The following PTGR1 variants were observed in gnomAD, a reference collection of about 807,000 sequenced individuals.
PTGR1 encodes 15-oxoprostaglandin 13-reductase.
Under a neutral mutation model 37.7 loss-of-function variants are expected in PTGR1, and 23 were observed. That is an observed-to-expected ratio of 0.61 (90% confidence interval 0.44 to 0.86). The LOEUF is 0.86. Ranked by LOEUF, PTGR1 falls within the 40% of genes least tolerant of loss-of-function variation. The pLI is 0.00. For missense variants in PTGR1, 351 were observed against 394.3 expected (o/e 0.89, Z 0.93); for synonymous variants, 134 against 140.0 (o/e 0.96, Z 0.30).
chr9:111,560,966 TATATATATAG>T (rs1564607741), downstream of PTGR1, among the ~76,000 whole-genome samples: 5 of 45,382 alleles, frequency 1.1e-4, 1 homozygote, highest in African/African-American at 1.9e-4. Context: ...TATATATATA[TATATATATAG>T]AGAGAGAGAG....
intron 5 of PTGR1, among the ~76,000 whole-genome samples, chr9:111,585,617 C>T (rs1829405527): frequency 6.6e-6 from 1 of 152,214 alleles, no homozygotes; most frequent in Non-Finnish European, 1.5e-5. Context: ...CCCCTGATAA[C>T]TATCATTCTA....
At chr9:111,582,894 T>C (rs1829324303) in intron 6 of PTGR1, among the ~76,000 whole-genome samples, 1 of 152,244 alleles carries the variant, frequency 6.6e-6, no homozygotes, top group Non-Finnish European at 1.5e-5. Flanking sequence ...CTTCCCACTA[T>C]GTAATAACAA....
intron 6 of PTGR1, among the ~76,000 whole-genome samples, chr9:111,580,391 G>A (rs1314487832): frequency 6.6e-6 from 1 of 152,150 alleles, no homozygotes; most frequent in Non-Finnish European, 1.5e-5. Context: ...CAAAGGAGAA[G>A]CTTTCCTTTG....
intron 9 of PTGR1, among the ~76,000 whole-genome samples, chr9:111,564,597 C>T (rs192833467): frequency 2.6e-4 from 39 of 151,930 alleles, no homozygotes; most frequent in Non-Finnish European, 4.0e-4. Context: ...TGAGCCACTG[C>T]GCCTGGCTGA....
intron 9 of PTGR1, among the ~76,000 whole-genome samples, chr9:111,569,636 A>C (rs1828721570): frequency 6.6e-6 from 1 of 152,122 alleles, no homozygotes; most frequent in Non-Finnish European, 1.5e-5. Flanking sequence ...GTGGTGGTAC[A>C]CACCTGTAGT....
chr9:111,553,195 T>G lies in PTGR1; in HGVS notation c.880-3396A>C, dbSNP rs77518105. The stretch of plus-strand genomic sequence containing the variant: ...ACTATGTATCTTTAACACTTTTGAA[T>G]AGAACAAACAGCTTTTCCATTTTGC... On this transcript the variant is annotated intron_variant, in intron 9 of 9. Transcript: ENST00000538962. 1.1e-3 allele frequency among the ~76,000 whole-genome samples: 170 copies of G among 152,332 alleles called. 3 individuals carry two copies. The East Asian group carries it at 0.024, about 21-fold the overall frequency.
chr9:111,562,452 T>G (rs1490212191), downstream of PTGR1: 1 of 152,048 alleles, frequency 6.6e-6, no homozygotes, highest in African/African-American at 2.4e-5. Context: ...ATTTTTGTAT[T>G]TTCAGTAGAG....
intron 4 of PTGR1, among the ~76,000 whole-genome samples, chr9:111,589,673 A>G (rs1407236827): frequency 6.6e-6 from 1 of 151,922 alleles, no homozygotes; most frequent in Admixed American, 6.6e-5. Context: ...GTCTCACTCT[A>G]TCATCCAAAG....
At chr9:111,592,292 T>C (rs1829644756) in intron 4 of PTGR1, 1 of 152,348 alleles carries the variant, frequency 6.6e-6, no homozygotes, top group South Asian at 2.1e-4. Flanking sequence ...AAAGACTGTG[T>C]TTCTGTTTTA....
rs1483687250 is a variant in PTGR1, at chr9:111,597,330, G to T, written c.93C>A (p.Pro31=). 36 of 1,607,708 alleles carry T rather than the reference G, an allele frequency of 2.2e-5. No homozygotes were observed. The highest frequency in any genetic ancestry group is 3.0e-5 in the Non-Finnish European group (35 of 1,174,956). The change falls in exon 2 of 10, where the codon CCC becomes CCA. Residue 31 remains proline (P), a synonymous_variant. Transcript: ENST00000407693. Reference sequence around the variant, plus strand: ...AGTATGACTTACCTCCATTTTTTAAGGGTGGGAGCTCAGCTGTCTTCAACT... The same window carrying T: ...AGTATGACTTACCTCCATTTTTTAATGGTGGGAGCTCAGCTGTCTTCAACT... ...DFELKTAELP[P]LKNGEVLLEA...
chr9:111,576,235 T>G, intron 7 of PTGR1: 1 of 839,976 alleles, frequency 1.2e-6, no homozygotes, highest in Non-Finnish European at 1.8e-6. Context: ...TAGGAAAAAA[T>G]ATTTGCAAGC....
At chr9:111,573,603 T>C (rs1828928612) in intron 8 of PTGR1, among the ~76,000 whole-genome samples, 1 of 152,180 alleles carries the variant, frequency 6.6e-6, no homozygotes, top group African/African-American at 2.4e-5. Flanking sequence ...CATAGGTAAT[T>C]TGTGATCTCT....
At chr9:111,563,571 T>C (rs2132317187) in intron 9 of PTGR1, 1 of 165,934 alleles carries the variant, frequency 6.0e-6, no homozygotes, top group African/African-American at 2.4e-5. Context: ...AGTGCCGCGA[T>C]CTTGGCTCAC....
chr9:111,552,930 C>T (rs992854131), intron 9 of PTGR1, among the ~76,000 whole-genome samples: 10 of 152,100 alleles, frequency 6.6e-5, no homozygotes, highest in East Asian at 3.9e-4. Context: ...TTTCTAAATA[C>T]GATAAAGTGA....
chr9:111,581,837 GT>G (rs1334150683), intron 6 of PTGR1, among the ~76,000 whole-genome samples: 1 of 151,836 alleles, frequency 6.6e-6, no homozygotes, highest in African/African-American at 2.4e-5. Flanking sequence ...TAACCAAAAA[GT>G]TTTAATGATA....
Position 111,562,910 on chromosome 9 carries a change from T to A in PTGR1, c.*211A>T. 7.5e-7 allele frequency: 1 copy of A among 1,336,382 alleles called. No individual in the cohort carries two copies. The highest frequency in any genetic ancestry group is 9.7e-7 in the Non-Finnish European group (1 of 1,034,394). 82.8% of individuals were successfully genotyped at this position (1,336,382 alleles called of 1,614,324 possible). ...TACCACAACTCAGAAGAAGCTGTAG[T>A]GAACAGTGAGGTGACTGGTTGTTGT... On this transcript the variant is annotated 3_prime_UTR_variant, in exon 10 of 10. Transcript: ENST00000407693.
At chr9:111,579,025 C>T (rs1030343006) in intron 6 of PTGR1, 74 bp from the exon 7 acceptor site, 16 of 1,418,670 alleles carry the variant, frequency 1.1e-5, no homozygotes, top group Middle Eastern at 1.8e-4. Flanking sequence ...TTCCTGGTCT[C>T]GTATGCCTAG....
rs1337770723 is a variant in PTGR1, at chr9:111,562,757, G to A, written c.*364C>T. 7.6e-5 allele frequency: 15 copies of A among 197,438 alleles called. No homozygotes were observed. In the East Asian group the frequency reaches 8.1e-4, roughly 11 times the overall value. 12.2% of individuals were successfully genotyped at this position (197,438 alleles called of 1,614,324 possible). A position where few individuals can be genotyped will look rare whatever the true frequency, so the allele number is the denominator to read the frequency against. ...CCTGATGCTCTCCCTCCCTCACCCC[G>A]GCTTCCACAGGCCCCAGCGTGTGTT... On this transcript the variant is annotated 3_prime_UTR_variant, in exon 10 of 10. Transcript: ENST00000407693.
At chr9:111,574,616 A>T in intron 8 of PTGR1, 118 bp downstream of exon 8, 1 of 726,180 alleles carries the variant, frequency 1.4e-6, no homozygotes, top group East Asian at 3.0e-5. Context: ...AAAAAAAAAA[A>T]AAAAGAATAT....
Sources: gnomAD v4.1 joint callset for allele counts (sites outside exome capture counted in the v4.1 genomes callset) on GRCh38, gnomAD v4.1.1 for gene constraint, MANE v1.5 for transcripts, NCBI Gene and HGNC (gene_info 2026-07-23, HGNC 2026-07-21) for gene names.